Variants in DENND6A observed in about 807,000 individuals in gnomAD.
DENND6A encodes DENN domain containing 6A.
Under a neutral mutation model 95.5 loss-of-function variants are expected in DENND6A, and 43 were observed. The ratio of observed to expected loss-of-function variants is 0.45; its 90% CI spans 0.35 to 0.58. DENND6A has a LOEUF of 0.58. Among genes scored for constraint, DENND6A ranks in the 20% least tolerant of loss-of-function variants. The pLI, the probability that DENND6A is intolerant of heterozygous loss-of-function variation, is 0.00. For synonymous variants in DENND6A, 257 were observed against 260.4 expected (o/e 0.99, Z 0.13); for missense variants, 574 against 736.0 (o/e 0.78, Z 2.55).
chr3:57,646,508 C>T, intron 9 of DENND6A, 70 bp from the exon 10 acceptor site: 1 of 1,506,218 alleles, frequency 6.6e-7, no homozygotes, highest in South Asian at 1.3e-5. Flanking sequence ...CCTACATAAT[C>T]TTTCTAAAAA....
intron 17 of DENND6A, 24 bp downstream of exon 17, chr3:57,630,691 G>T (rs1404934916): frequency 6.2e-7 from 1 of 1,604,284 alleles, no homozygotes; most frequent in East Asian, 2.2e-5. Flanking sequence ...ACACATGGGT[G>T]TAAAACAGGG....
At chr3:57,682,978 G>A (rs1245675475) in intron 1 of DENND6A, among the ~76,000 whole-genome samples, 2 of 152,078 alleles carry the variant, frequency 1.3e-5, no homozygotes, top group African/African-American at 4.8e-5. Flanking sequence ...ACACCTGGCC[G>A]ACTATATGCT....
At chr3:57,681,698 A>C (rs1371553041) in intron 1 of DENND6A, among the ~76,000 whole-genome samples, 1 of 152,140 alleles carries the variant, frequency 6.6e-6, no homozygotes, top group African/African-American at 2.4e-5. Flanking sequence ...TGAATAAACA[A>C]AATGTGATAT....
chr3:57,649,400 T>C (rs760468770), intron 9 of DENND6A, among the ~76,000 whole-genome samples: 6 of 152,016 alleles, frequency 3.9e-5, no homozygotes, highest in African/African-American at 7.3e-5. Flanking sequence ...TTTTACACTG[T>C]TGGTAGAAAT....
In DENND6A at chr3:57,634,700, A is replaced by G; in HGVS notation, c.1198+4T>C. ...TATATTTAAAAATCAATAAAAGTCAATACCAGGTTTGGAATCCAGAGTCTT... is the reference window on the plus strand; with the variant it reads ...TATATTTAAAAATCAATAAAAGTCAGTACCAGGTTTGGAATCCAGAGTCTT... On this transcript the variant is annotated splice_donor_region_variant and intron_variant, in intron 13 of 19. Coordinates refer to ENST00000311128, the MANE Select transcript of DENND6A (RefSeq NM_152678.3). The G allele has an allele frequency of 6.5e-7, 1 of 1,544,222 alleles. No individual in the cohort carries two copies. Among genetic ancestry groups the G allele is most frequent in the Non-Finnish European group, 8.7e-7 (1 of 1,145,820 alleles).
At chr3:57,660,714 A>G in intron 7 of DENND6A, 46 bp downstream of exon 7, 1 of 1,529,126 alleles carries the variant, frequency 6.5e-7, no homozygotes, top group Non-Finnish European at 8.9e-7. Context: ...TCTCAAAAAA[A>G]TAAAAATAAA....
intron 18 of DENND6A, 32 bp from the exon 19 acceptor site, chr3:57,628,917 T>C (rs1394315862): frequency 6.3e-7 from 1 of 1,583,248 alleles, no homozygotes; most frequent in Non-Finnish European, 8.6e-7. Context: ...ATCAGTAAGT[T>C]CTCAAAATAA....
intron 12 of DENND6A, among the ~76,000 whole-genome samples, chr3:57,641,053 G>A (rs1255673820): frequency 6.6e-6 from 1 of 151,052 alleles, no homozygotes; most frequent in Non-Finnish European, 1.5e-5. Flanking sequence ...GTGATAAGTT[G>A]GGAATAATTC....
Position 57,659,099 on chromosome 3 carries a change from T to A in DENND6A, c.762+19A>T. On this transcript the variant is annotated intron_variant, in intron 8 of 19. Transcript: ENST00000311128. ...AGACTATATATGTGCTGGATCATTC[T>A]ACCATAGTACCACACTACCTGCTGA... 1 of 1,613,492 alleles carries A rather than the reference T, an allele frequency of 6.2e-7. No individual in the cohort carries two copies. The highest frequency in any genetic ancestry group is 1.7e-4 in the Middle Eastern group (1 of 6,058).
intron 9 of DENND6A, among the ~76,000 whole-genome samples, chr3:57,647,577 G>C (rs141054683): frequency 6.6e-6 from 1 of 152,292 alleles, no homozygotes; most frequent in Non-Finnish European, 1.5e-5. Flanking sequence ...AGCACAGACA[G>C]GTAGCCTGAT....
intron 1 of DENND6A, among the ~76,000 whole-genome samples, chr3:57,688,143 G>A (rs980021577): frequency 1.3e-5 from 2 of 151,808 alleles, no homozygotes; most frequent in African/African-American, 4.8e-5. Flanking sequence ...TTACAGGAAT[G>A]TGCCACCAAG....
intron 9 of DENND6A, among the ~76,000 whole-genome samples, chr3:57,655,383 A>G (rs1485423839): frequency 1.3e-5 from 2 of 152,222 alleles, no homozygotes; most frequent in African/African-American, 2.4e-5. Flanking sequence ...TCTTAAAACA[A>G]TATTATGTAA....
At chr3:57,672,459 T>A in intron 1 of DENND6A, 21 bp from the exon 2 acceptor site, 1 of 1,606,822 alleles carries the variant, frequency 6.2e-7, no homozygotes, top group Non-Finnish European at 8.5e-7. Context: ...AGAGTTAAAT[T>A]TTGTTAAACA....
At position 57,633,286 on chromosome 3, in the gene DENND6A, T is replaced by C; in HGVS notation, c.1332A>G (p.Thr444=). ...VILRRYFLEL[T]QSFIIPLERY... ...TTACTAATGGAATGATGAAACTTTG[T>C]GTCAGTTCCAAAAAATAGCGTCGAA... is the stretch of plus-strand genomic sequence containing the variant. Residue 444 remains threonine (T), a synonymous_variant, in exon 15 of 20, where the codon ACA becomes ACG. Transcript: ENST00000311128. 1 of 1,613,588 alleles carries C rather than the reference T, an allele frequency of 6.2e-7. No homozygotes were observed. The highest frequency in any genetic ancestry group is 8.5e-7 in the Non-Finnish European group (1 of 1,179,814).
chr3:57,675,774 A>T (rs1459438669), intron 1 of DENND6A, among the ~76,000 whole-genome samples: 1 of 152,234 alleles, frequency 6.6e-6, no homozygotes, highest in East Asian at 1.9e-4. Flanking sequence ...TCCTTAGGAG[A>T]TGAACATAAC....
chr3:57,672,832 ATAG>A (rs1321255884), intron 1 of DENND6A, among the ~76,000 whole-genome samples: 1 of 151,930 alleles, frequency 6.6e-6, no homozygotes, highest in Non-Finnish European at 1.5e-5. Flanking sequence ...TTAGTCTAAA[ATAG>A]TAGTTGGTTA....
At chr3:57,657,124 C>T (rs1286502365) in intron 9 of DENND6A, among the ~76,000 whole-genome samples, 1 of 152,172 alleles carries the variant, frequency 6.6e-6, no homozygotes, top group Non-Finnish European at 1.5e-5. Flanking sequence ...GATTTAGCTG[C>T]TCTGGGTAAA....
At chr3:57,630,248 TTATC>T (rs67587259) in intron 18 of DENND6A, 169 bp downstream of exon 18, 231,990 of 528,518 alleles carry the variant, frequency 0.44, 53,492 homozygotes, top group Middle Eastern at 0.61. Flanking sequence ...TTAAAAGAGA[TTATC>T]TATATAAAGC....
chr3:57,691,333 C>T (rs141360452), intron 1 of DENND6A, among the ~76,000 whole-genome samples: 1 of 152,300 alleles, frequency 6.6e-6, no homozygotes, highest in African/African-American at 2.4e-5. Flanking sequence ...CACATATTCA[C>T]CTATTCTATC....
Sources: gnomAD v4.1 joint callset for allele counts (sites outside exome capture counted in the v4.1 genomes callset) on GRCh38, gnomAD v4.1.1 for gene constraint, MANE v1.5 for transcripts, NCBI Gene and HGNC (gene_info 2026-07-23, HGNC 2026-07-21) for gene names.